Variants in LINGO1 observed in about 807,000 individuals in gnomAD.
LINGO1 encodes leucine-rich repeat and immunoglobulin-like domain-containing nogo receptor-interacting protein 1.
In LINGO1, 11 loss-of-function variants were observed where a neutral mutation model predicts 37.3. The observed-to-expected ratio is 0.29, with a 90% CI of 0.19 to 0.49. LINGO1 has a LOEUF of 0.49. Ranked by LOEUF, LINGO1 falls within the 20% of genes least tolerant of loss-of-function variation. The pLI, the probability that LINGO1 is intolerant of heterozygous loss-of-function variation, is 0.99. For missense variants in LINGO1, 585 were observed against 878.2 expected (o/e 0.67, Z 4.22); for synonymous variants, 387 against 403.0 (o/e 0.96, Z 0.48).
At chr15:77,674,878 G>GT (rs1202349802) in intron 3 of LINGO1, among the ~76,000 whole-genome samples, 9 of 151,630 alleles carry the variant, frequency 5.9e-5, no homozygotes, top group African/African-American at 2.2e-4. Context: ...GGTATATTTC[G>GT]TGAGTTTTGT....
At chr15:77,639,258 T>TAC (rs1825522407), upstream of LINGO1, among the ~76,000 whole-genome samples, 1 of 152,138 alleles carries the variant, frequency 6.6e-6, no homozygotes, top group African/African-American at 2.4e-5. Context: ...TGGGAGGTAA[T>TAC]ACATATTTGC....
intron 2 of LINGO1, among the ~76,000 whole-genome samples, chr15:77,687,972 C>T (rs140023502): frequency 6.2e-4 from 94 of 152,296 alleles, no homozygotes; most frequent in African/African-American, 2.1e-3. Flanking sequence ...ACAGGCTCAA[C>T]CCAGCGGCTC....
intron 1 of LINGO1, among the ~76,000 whole-genome samples, chr15:77,747,114 C>T (rs1394951268): frequency 2.0e-5 from 3 of 152,178 alleles, no homozygotes; most frequent in Non-Finnish European, 4.4e-5. Context: ...ACTGAGTTAG[C>T]TAAGAAGAAT....
intron 1 of LINGO1, among the ~76,000 whole-genome samples, chr15:77,692,884 C>T (rs913166886): frequency 1.4e-4 from 22 of 152,360 alleles, no homozygotes; most frequent in East Asian, 1.3e-3. Flanking sequence ...GGTGGAGCAA[C>T]GGAGGCCCAA....
intron 1 of LINGO1, among the ~76,000 whole-genome samples, chr15:77,802,300 C>T (rs2076926321): frequency 6.6e-6 from 1 of 151,836 alleles, no homozygotes; most frequent in South Asian, 2.1e-4. Context: ...TTGTCACTCT[C>T]GGGGATGACA....
intron 2 of LINGO1, among the ~76,000 whole-genome samples, chr15:77,711,920 T>C (rs936372707): frequency 1.3e-5 from 2 of 152,160 alleles, no homozygotes; most frequent in African/African-American, 4.8e-5. Context: ...AGATGATTTC[T>C]GCTCGGCCAG....
At position 77,613,760 on chromosome 15, in the gene LINGO1, T is replaced by C. The variant is rs2073585125; in HGVS notation, c.*284A>G. The C allele has an allele frequency of 5.0e-6, 2 of 401,786 alleles. No homozygotes were observed. Among genetic ancestry groups the C allele is most frequent in the Non-Finnish European group, 4.4e-6 (1 of 224,910 alleles). The allele number at this position is 401,786 out of a possible 1,614,324, so 24.9% of individuals were successfully genotyped here. ...ACAGAGAAAGTTCGTAACTTTTTTA[T>C]TGAATTATTGACTCTGCCGCGTGTC... is the stretch of plus-strand genomic sequence containing the variant. On this transcript the variant is annotated 3_prime_UTR_variant, in exon 2 of 2. Transcript: ENST00000355300.
At chr15:77,686,365 G>C (rs2075511174) in intron 2 of LINGO1, among the ~76,000 whole-genome samples, 1 of 152,214 alleles carries the variant, frequency 6.6e-6, no homozygotes, top group Non-Finnish European at 1.5e-5. Context: ...GAGAGTGGAA[G>C]AGTCATAAAG....
At position 77,632,698 on chromosome 15, in the gene LINGO1, C is replaced by T. The variant is rs1396338513; in HGVS notation, c.-383G>A. Among the ~76,000 whole-genome samples, 1 of 145,870 alleles carries T rather than the reference C, an allele frequency of 6.9e-6. No individual in the cohort carries two copies. Among genetic ancestry groups the T allele is most frequent in the Non-Finnish European group, 1.5e-5 (1 of 65,704 alleles). Reference sequence around the variant, plus strand: ...AGGCCGGGCGCGCTCCGCCGCGGGGCCGGGGCCGGCGGGCAGCGGCCGCGC... The same window carrying T: ...AGGCCGGGCGCGCTCCGCCGCGGGGTCGGGGCCGGCGGGCAGCGGCCGCGC... On this transcript the variant is annotated 5_prime_UTR_variant, in exon 1 of 2. Transcript: ENST00000355300. The surrounding 1 kb of genome is among the most constrained non-coding windows in gnomAD (Gnocchi z 6.0).
chr15:77,770,405 T>C (rs569601936), intron 1 of LINGO1, among the ~76,000 whole-genome samples: 1 of 152,118 alleles, frequency 6.6e-6, no homozygotes, highest in East Asian at 1.9e-4. Context: ...CTGACCAACA[T>C]GGAGAAATCC....
intron 1 of LINGO1, among the ~76,000 whole-genome samples, chr15:77,757,905 G>A (rs1033941140): frequency 1.8e-4 from 28 of 152,196 alleles, no homozygotes; most frequent in African/African-American, 6.0e-4. Context: ...GTTAATCACC[G>A]TGGGCCGCCT....
At chr15:77,692,874 GGT>G (rs2075628158) in intron 1 of LINGO1, among the ~76,000 whole-genome samples, 1 of 152,246 alleles carries the variant, frequency 6.6e-6, no homozygotes, top group Admixed American at 6.5e-5. Context: ...CCATTCCACA[GGT>G]GGAGCAACGG....
chr15:77,711,676 G>A (rs1169223060), intron 2 of LINGO1, among the ~76,000 whole-genome samples: 5 of 152,232 alleles, frequency 3.3e-5, no homozygotes, highest in Non-Finnish European at 1.5e-5. Context: ...CACCTTGGGA[G>A]TATGTACTGT....
chr15:77,802,759 C>G (rs2076929987), intron 1 of LINGO1, among the ~76,000 whole-genome samples: 1 of 152,128 alleles, frequency 6.6e-6, no homozygotes, highest in Non-Finnish European at 1.5e-5. Context: ...TCCTGGAGGT[C>G]TCCTGTCCCC....
intron 1 of LINGO1, among the ~76,000 whole-genome samples, chr15:77,802,158 G>T (rs2076924859): frequency 6.6e-6 from 1 of 152,124 alleles, no homozygotes; most frequent in South Asian, 2.1e-4. Flanking sequence ...AGGTGACTGG[G>T]GCATGCAGGT....
intron 3 of LINGO1, among the ~76,000 whole-genome samples, chr15:77,664,527 C>T (rs777938434): frequency 2.8e-4 from 42 of 152,104 alleles, no homozygotes; most frequent in Non-Finnish European, 5.7e-4. Context: ...AGTGAGCTCC[C>T]GGTCAGGAGA....
intron 1 of LINGO1, among the ~76,000 whole-genome samples, chr15:77,799,657 T>C (rs370395917): frequency 1.3e-5 from 2 of 152,180 alleles, no homozygotes; most frequent in African/African-American, 2.4e-5. Flanking sequence ...GCACCTCCCA[T>C]GAGCCAGGCA....
intron 2 of LINGO1, among the ~76,000 whole-genome samples, chr15:77,685,034 T>C (rs2075481116): frequency 8.0e-6 from 1 of 125,494 alleles, no homozygotes; most frequent in Non-Finnish European, 1.7e-5. Flanking sequence ...ACAGATAGAG[T>C]TGGGGGAGGG....
At chr15:77,706,073 TA>T (rs1376773283) in intron 2 of LINGO1, among the ~76,000 whole-genome samples, 2 of 152,164 alleles carry the variant, frequency 1.3e-5, no homozygotes, top group Admixed American at 6.5e-5. Flanking sequence ...TAATAACATA[TA>T]AATCCCATTG....
Sources: gnomAD v4.1 joint callset for allele counts (sites outside exome capture counted in the v4.1 genomes callset) on GRCh38, gnomAD v4.1.1 for gene constraint, Gnocchi (gnomAD v3.1) non-coding constraint, MANE v1.5 for transcripts, NCBI Gene and HGNC (gene_info 2026-07-23, HGNC 2026-07-21) for gene names.